The following SLC47A1 variants were observed in gnomAD, a reference collection of about 807,000 sequenced individuals.
SLC47A1 encodes solute carrier family 47 member 1.
SLC47A1 carries 58 observed loss-of-function variants against 65.8 expected under a neutral mutation model. The observed-to-expected ratio is 0.88, with a 90% CI of 0.71 to 1.10. SLC47A1 has a LOEUF of 1.10. Ranked by LOEUF, SLC47A1 falls within the 50% of genes least tolerant of loss-of-function variation. SLC47A1 has a pLI of 0.00. For missense variants in SLC47A1, 706 were observed against 719.2 expected (o/e 0.98, Z 0.21); for synonymous variants, 285 against 295.0 (o/e 0.97, Z 0.35).
In SLC47A1 at chr17:19,577,600, C is replaced by T; in HGVS notation, c.*47C>T. ...GTCAAGTGATGCTTTTGAGCTTACACACAATTCACAGGCCCACCAGTGACA... is the reference window on the plus strand; with the variant it reads ...GTCAAGTGATGCTTTTGAGCTTACATACAATTCACAGGCCCACCAGTGACA... On this transcript the variant is annotated 3_prime_UTR_variant, in exon 17 of 17. Coordinates refer to ENST00000270570, the MANE Select transcript of SLC47A1 (RefSeq NM_018242.3). 6.2e-7 allele frequency: 1 copy of T among 1,608,658 alleles called. No individual in the cohort carries two copies. The highest frequency in any genetic ancestry group is 8.5e-7 in the Non-Finnish European group (1 of 1,176,914).
chr17:19,560,570 T>C, intron 12 of SLC47A1, 77 bp downstream of exon 12: 3 of 1,407,956 alleles, frequency 2.1e-6, no homozygotes, highest in Non-Finnish European at 3.0e-6. Flanking sequence ...TTCTCTAAAA[T>C]CAGGCTGTTC....
Position 19,547,981 on chromosome 17 carries a change from C to G in SLC47A1, c.307-4C>G. ...TGGGCTCATTTTGGCTGTGTGCACCCCAGACGTACGGGAGCCAGAACCTGA... is the reference window on the plus strand; with the variant it reads ...TGGGCTCATTTTGGCTGTGTGCACCGCAGACGTACGGGAGCCAGAACCTGA... On this transcript the variant is annotated splice_region_variant and splice_polypyrimidine_tract_variant and intron_variant, in intron 3 of 16. Transcript: ENST00000270570. 1 of 1,610,518 alleles carries G rather than the reference C, an allele frequency of 6.2e-7. No individual in the cohort carries two copies. The highest frequency in any genetic ancestry group is 8.5e-7 in the Non-Finnish European group (1 of 1,177,578).
At chr17:19,554,316 G>A (rs929830415) in intron 6 of SLC47A1, among the ~76,000 whole-genome samples, 5 of 152,140 alleles carry the variant, frequency 3.3e-5, no homozygotes, top group African/African-American at 7.2e-5. Context: ...TGTTGAGGGT[G>A]GACAGATGTA....
intron 9 of SLC47A1, 37 bp from the exon 10 acceptor site, chr17:19,555,958 G>C (rs774781345): frequency 2.5e-6 from 4 of 1,614,184 alleles, no homozygotes; most frequent in Admixed American, 1.7e-5. Flanking sequence ...TGGGGGCCCT[G>C]TCTGGGTGCA....
Position 19,534,089 on chromosome 17 carries a change from C to A in SLC47A1, c.135+15C>A. ...CTGGCCCCGCGGTGAGTAAGGTGGCCTCAGTGGCAGGCCGGTACCGGCGGG... is the reference window on the plus strand; with the variant it reads ...CTGGCCCCGCGGTGAGTAAGGTGGCATCAGTGGCAGGCCGGTACCGGCGGG... On this transcript the variant is annotated intron_variant, in intron 1 of 16. Coordinates refer to ENST00000270570, the MANE Select transcript of SLC47A1 (RefSeq NM_018242.3). The A allele has an allele frequency of 1.1e-5, 17 of 1,521,130 alleles. No homozygotes were observed. The highest frequency in any genetic ancestry group is 1.5e-5 in the Non-Finnish European group (17 of 1,132,806). The allele number at this position is 1,521,130 out of a possible 1,614,324, so 94.2% of individuals were successfully genotyped here.
intron 11 of SLC47A1, 31 bp from the exon 12 acceptor site, chr17:19,560,385 CTG>C: frequency 5.0e-6 from 8 of 1,613,292 alleles, no homozygotes; most frequent in African/African-American, 1.3e-5. Context: ...TTCTTGTTCA[CTG>C]TGTTGTTTCT....
At chr17:19,537,101 C>T (rs1350867151) in intron 1 of SLC47A1, among the ~76,000 whole-genome samples, 1 of 152,224 alleles carries the variant, frequency 6.6e-6, no homozygotes. Flanking sequence ...TGAATCAAAA[C>T]AGCAAAAGTT....
At chr17:19,576,935 C>T (rs906081910) in intron 16 of SLC47A1, among the ~76,000 whole-genome samples, 22 of 152,006 alleles carry the variant, frequency 1.4e-4, no homozygotes, top group African/African-American at 5.3e-4. Flanking sequence ...TTAGTAGAGA[C>T]GGGGTTTCTC....
chr17:19,570,867 G>C (rs925615626), intron 14 of SLC47A1: 1 of 152,302 alleles, frequency 6.6e-6, no homozygotes. Flanking sequence ...TCTGTGCCCT[G>C]TGTGGTGCCT....
intron 1 of SLC47A1, among the ~76,000 whole-genome samples, chr17:19,538,583 TC>T (rs1300948166): frequency 1.7e-4 from 26 of 152,228 alleles, no homozygotes; most frequent in African/African-American, 6.3e-4. Context: ...TCACACCTGT[TC>T]CCCCAGTGCT....
rs553479659 is a variant in SLC47A1, at chr17:19,548,177, G to A, written c.455+44G>A. 3.2e-5 allele frequency: 51 copies of A among 1,588,992 alleles called. No homozygotes were observed. In the African/African-American group the frequency reaches 4.3e-4, roughly 13 times the overall value. On this transcript the variant is annotated intron_variant, in intron 4 of 16. Coordinates refer to ENST00000270570, the MANE Select transcript of SLC47A1 (RefSeq NM_018242.3). ...CAGCGGGACTTGGCGTCCATCCCAC[G>A]GAAAGATTATCCTGTCTGGGTGCAG...
chr17:19,576,889 A>G (rs1247951644), intron 16 of SLC47A1, among the ~76,000 whole-genome samples: 3 of 152,066 alleles, frequency 2.0e-5, no homozygotes, highest in African/African-American at 7.2e-5. Context: ...CTGGGATTAC[A>G]AGCATGTGCC....
intron 1 of SLC47A1, chr17:19,534,490 GAAC>G (rs1915936892): frequency 1.2e-5 from 2 of 164,364 alleles, no homozygotes; most frequent in Non-Finnish European, 2.6e-5. Context: ...CAAGTTGCCT[GAAC>G]TTCAAAACAC....
chr17:19,551,302 G>C, intron 5 of SLC47A1, 122 bp from the exon 6 acceptor site: 1 of 861,862 alleles, frequency 1.2e-6, no homozygotes, highest in Non-Finnish European at 2.0e-6. Context: ...AGCCTCTGTG[G>C]CTCCGTGCGG....
At position 19,555,595 on chromosome 17, in the gene SLC47A1, G is replaced by A; in HGVS notation, c.644G>A (p.Gly215Asp). 2 of 1,614,058 alleles carry A rather than the reference G, an allele frequency of 1.2e-6. No homozygotes were observed. The highest frequency in any genetic ancestry group is 1.7e-6 in the Non-Finnish European group (2 of 1,179,980). Reference sequence around the variant, plus strand: ...CTCATTGGGACTGTTCTTTCCAGAGGCTCTGCACTGGCAAACTTGATTTCC... The same window carrying A: ...CTCATTGGGACTGTTCTTTCCAGAGACTCTGCACTGGCAAACTTGATTTCC... ...FLHQLHLGVI[G>D]SALANLISQY... Residue 215 changes from glycine to aspartate, a missense_variant and splice_region_variant, in exon 8 of 17, where the codon GGC becomes GAC. Transcript: ENST00000270570.
At chr17:19,577,291 T>A in intron 16 of SLC47A1, 36 bp from the exon 17 acceptor site, 1 of 1,584,718 alleles carries the variant, frequency 6.3e-7, no homozygotes. Context: ...AAAAAAAAAA[T>A]CCCTTTTAAG....
At chr17:19,560,541 G>C (rs778771478) in intron 12 of SLC47A1, 48 bp downstream of exon 12, 10 of 1,575,404 alleles carry the variant, frequency 6.3e-6, no homozygotes, top group Non-Finnish European at 8.7e-6. Context: ...ATAAAGAAAT[G>C]GTTCATTGAG....
intron 10 of SLC47A1, chr17:19,558,022 A>G: frequency 4.6e-6 from 1 of 216,250 alleles, no homozygotes; most frequent in South Asian, 6.6e-5. Context: ...TAATCAAAAG[A>G]AAGATGTATG....
Position 19,546,431 on chromosome 17 carries a change from G to T in SLC47A1, c.238-4G>T, listed in dbSNP as rs186351056. 219 of 1,613,562 alleles carry T rather than the reference G, an allele frequency of 1.4e-4. 1 individual carries two copies. In the Admixed American group the frequency reaches 3.6e-3, roughly 26 times the overall value. ...TAGGGCCTTATCTTTGGGTTTATTT[G>T]CAGGTTATCAATGTCACTGGTGTCT... On this transcript the variant is annotated splice_polypyrimidine_tract_variant and splice_region_variant and intron_variant, in intron 2 of 16. Coordinates refer to ENST00000270570, the MANE Select transcript of SLC47A1 (RefSeq NM_018242.3).
Sources: allele counts gnomAD v4.1 joint callset (sites outside exome capture counted in the v4.1 genomes callset), GRCh38; gene constraint gnomAD v4.1.1; transcripts MANE v1.5; gene names NCBI Gene and HGNC (gene_info 2026-07-23, HGNC 2026-07-21).